PARP12: variants seen among roughly 807,000 people sequenced by gnomAD.
PARP12 encodes the protein protein mono-ADP-ribosyltransferase PARP12.
A neutral mutation model predicts 72.4 loss-of-function variants in PARP12; 59 were observed. The ratio of observed to expected loss-of-function variants is 0.81; its 90% confidence interval spans 0.66 to 1.01. The LOEUF (loss-of-function observed/expected upper bound fraction) is 1.01. Ranked by LOEUF, PARP12 falls within the 50% of genes least tolerant of loss-of-function variation. The pLI is 0.00. For synonymous variants in PARP12, 403 were observed against 371.4 expected (o/e 1.09, Z -0.98); for missense variants, 851 against 914.0 (o/e 0.93, Z 0.89).
Position 140,057,107 on chromosome 7 carries a change from G to A in PARP12, c.509C>T (p.Ala170Val), listed in dbSNP as rs770028109. Reference sequence around the variant, plus strand: ...GAGCTTGATGCACTGCTTTTGAAAGGCACAAGAGCCGTGGGGTCCATCTCC... The same window carrying A: ...GAGCTTGATGCACTGCTTTTGAAAGACACAAGAGCCGTGGGGTCCATCTCC... ...NKGDGPHGSC[A>V]FQKQCIKLHI... Residue 170 changes from alanine to valine, a missense_variant, in exon 3 of 12, where the codon GCC becomes GTC. By Grantham distance (64) the Ala-to-Val change is moderately conservative (BLOSUM62 0). Coordinates refer to ENST00000263549, the MANE Select transcript of PARP12 (RefSeq NM_022750.4). The A allele has an allele frequency of 6.2e-7, 1 of 1,614,094 alleles. No individual in the cohort carries two copies.
chr7:140,032,349 TAAAAA>T (rs1174800872), intron 8 of PARP12, among the ~76,000 whole-genome samples: 1 of 145,232 alleles, frequency 6.9e-6, no homozygotes, highest in African/African-American at 2.5e-5. Context: ...TTTTTTTAAT[TAAAAA>T]AAAAAAGAGA....
intron 7 of PARP12, among the ~76,000 whole-genome samples, chr7:140,035,010 A>C (rs1816094237): frequency 6.6e-6 from 1 of 152,206 alleles, no homozygotes; most frequent in Non-Finnish European, 1.5e-5. Flanking sequence ...CACCAGCTCA[A>C]GTAATCCTCC....
rs370881268 is a variant in PARP12, at chr7:140,041,754, G to A, written c.1072C>T (p.Arg358Cys). ...AMTYGATQAR[R>C]LSTASSVTKP... The stretch of plus-strand genomic sequence containing the variant: ...GTGACAGAGGAGGCCGTGGAGAGGC[G>A]GCGAGCCTGGGTAGCACCGTAAGTC... Residue 358 changes from arginine (R) to cysteine (C), a missense_variant, in exon 6 of 12, where the codon CGC becomes TGC. By Grantham distance (180) the Arg-to-Cys change is radical. This residue lies in a region of PARP12 where 492 missense variants were observed against 489.3 expected (regional missense o/e 1.01). Transcript: ENST00000263549. 7 of 1,613,948 alleles carry A rather than the reference G, an allele frequency of 4.3e-6. No homozygotes were observed. Among genetic ancestry groups the A allele is most frequent in the Admixed American group, 1.7e-5 (1 of 59,998 alleles).
chr7:140,047,293 A>G (rs1286764455), intron 4 of PARP12, among the ~76,000 whole-genome samples: 1 of 152,214 alleles, frequency 6.6e-6, no homozygotes, highest in Non-Finnish European at 1.5e-5. Flanking sequence ...TTAAGAGGTG[A>G]CTGGGTCATA....
At chr7:140,052,689 T>C (rs2116640921) in intron 4 of PARP12, among the ~76,000 whole-genome samples, 1 of 152,196 alleles carries the variant, frequency 6.6e-6, no homozygotes, top group East Asian at 1.9e-4. Flanking sequence ...ATGCATAATT[T>C]TTTCATAATA....
chr7:140,045,391 C>T (rs1392011616), intron 5 of PARP12, among the ~76,000 whole-genome samples: 1 of 152,132 alleles, frequency 6.6e-6, no homozygotes, highest in African/African-American at 2.4e-5. Flanking sequence ...TCATTTAATT[C>T]TCAAAATAAC....
At chr7:140,062,396 G>C in intron 1 of PARP12, 126 bp downstream of exon 1, 1 of 947,886 alleles carries the variant, frequency 1.1e-6, no homozygotes, top group South Asian at 1.7e-5. Context: ...GTGAATGACG[G>C]TGCGAGGTCA....
At chr7:140,037,281 G>A (rs538947271) in intron 7 of PARP12, among the ~76,000 whole-genome samples, 3 of 152,186 alleles carry the variant, frequency 2.0e-5, no homozygotes, top group Non-Finnish European at 4.4e-5. Flanking sequence ...CCAAGATCAC[G>A]CCATTGCACT....
Position 140,056,941 on chromosome 7 carries a change from G to C in PARP12, c.675C>G (p.Thr225=). ...TGATGTCATGTGCATTTCTATAAAT[G>C]GTAGGCAGCCTGCTCACCAGGTCTG... ...MSSDLVSRLP[T]IYRNAHDIKN... Residue 225 remains threonine (T), a synonymous_variant, in exon 3 of 12, where the codon ACC becomes ACG. Coordinates refer to ENST00000263549, the MANE Select transcript of PARP12 (RefSeq NM_022750.4). 1 of 1,614,102 alleles carries C rather than the reference G, an allele frequency of 6.2e-7. No homozygotes were observed. Among genetic ancestry groups the C allele is most frequent in the Non-Finnish European group, 8.5e-7 (1 of 1,180,026 alleles).
At position 140,037,850 on chromosome 7, in the gene PARP12, C is replaced by A. The variant is rs201209907; in HGVS notation, c.1189G>T (p.Val397Leu). 13 of 1,605,528 alleles carry A rather than the reference C, an allele frequency of 8.1e-6. No homozygotes were observed. The East Asian group carries it at 2.7e-4, about 33-fold the overall frequency. The change falls in exon 7 of 12, where the codon GTG becomes TTG. Residue 397 changes from valine to leucine, a missense_variant. Coordinates refer to ENST00000263549, the MANE Select transcript of PARP12 (RefSeq NM_022750.4). ...SWQEYGRQGT[V>L]HPVTTVSSSD... ...CTGCTGACAGTGGTCACAGGGTGCA[C>A]CGTGCCCTGCGATGGAAAGCCAGAC...
At chr7:140,039,649 C>A (rs1462947033) in intron 6 of PARP12, among the ~76,000 whole-genome samples, 1 of 152,168 alleles carries the variant, frequency 6.6e-6, no homozygotes, top group African/African-American at 2.4e-5. Flanking sequence ...ACAGAAAAAA[C>A]TTAGCTTTTC....
At chr7:140,039,570 CAT>C (rs1259992807) in intron 6 of PARP12, among the ~76,000 whole-genome samples, 1 of 152,210 alleles carries the variant, frequency 6.6e-6, no homozygotes, top group Admixed American at 6.5e-5. Flanking sequence ...CAGATTCCCA[CAT>C]GTCCTGTGGC....
At chr7:140,044,340 G>A (rs1165949291) in intron 5 of PARP12, among the ~76,000 whole-genome samples, 2 of 152,206 alleles carry the variant, frequency 1.3e-5, no homozygotes, top group African/African-American at 4.8e-5. Context: ...GGATTCGGGT[G>A]GGCCCTAATC....
Position 140,041,745 on chromosome 7 carries a change from T to G in PARP12, c.1081A>C (p.Thr361Pro), listed in dbSNP as rs1450770603. The G allele has an allele frequency of 6.2e-7, 1 of 1,613,944 alleles. No homozygotes were observed. The highest frequency in any genetic ancestry group is 1.3e-5 in the African/African-American group (1 of 74,878). ...GGAGGTTTGGTGACAGAGGAGGCCGTGGAGAGGCGGCGAGCCTGGGTAGCA... is the reference window on the plus strand; with the variant it reads ...GGAGGTTTGGTGACAGAGGAGGCCGGGGAGAGGCGGCGAGCCTGGGTAGCA... ...YGATQARRLSTASSVTKPPHF... is the reference protein window; with the variant it reads ...YGATQARRLSPASSVTKPPHF... Residue 361 changes from threonine (T) to proline (P), a missense_variant, in exon 6 of 12, where the codon ACG (threonine) becomes CCG (proline). By Grantham distance (38) the Thr-to-Pro change is conservative. Coordinates refer to ENST00000263549, the MANE Select transcript of PARP12 (RefSeq NM_022750.4).
chr7:140,052,694 A>G (rs930512736), intron 4 of PARP12, among the ~76,000 whole-genome samples: 6 of 151,572 alleles, frequency 4.0e-5, no homozygotes, highest in Admixed American at 3.9e-4. Flanking sequence ...TAATTTTTTC[A>G]TAATATGCAT....
At chr7:140,045,034 T>C (rs962280694) in intron 5 of PARP12, among the ~76,000 whole-genome samples, 3 of 151,916 alleles carry the variant, frequency 2.0e-5, no homozygotes, top group East Asian at 3.9e-4. Flanking sequence ...TTTTTCTTTT[T>C]TTTTTTTTTA....
In PARP12 at chr7:140,056,912, T is replaced by C. The variant is rs767428187; in HGVS notation, c.704A>G (p.Asn235Ser). The C allele has an allele frequency of 2.5e-6, 4 of 1,613,612 alleles. No homozygotes were observed. The highest frequency in any genetic ancestry group is 1.7e-6 in the Non-Finnish European group (2 of 1,180,002). The change falls in exon 3 of 12, where the codon AAT becomes AGT. Residue 235 changes from asparagine to serine, a missense_variant. Transcript: ENST00000263549. ...CACTCTGCTGGGGGCAGAGCTCTTA[T>C]TCTTGATGTCATGTGCATTTCTATA... Reference protein sequence around the residue: ...TIYRNAHDIKNKSSAPSRVPP... With the variant: ...TIYRNAHDIKSKSSAPSRVPP...
intron 8 of PARP12, 43 bp downstream of exon 8, chr7:140,034,192 A>C (rs375844643): frequency 6.3e-7 from 1 of 1,598,176 alleles, no homozygotes; most frequent in African/African-American, 1.3e-5. Flanking sequence ...AGCACACCCC[A>C]GCTGATTACA....
intron 7 of PARP12, 100 bp downstream of exon 7, chr7:140,037,615 C>T: frequency 6.5e-7 from 1 of 1,529,092 alleles, no homozygotes; most frequent in Non-Finnish European, 8.9e-7. Context: ...CTGTACCCAC[C>T]CAGGCCCTCA....
Sources: allele counts gnomAD v4.1 joint callset (sites outside exome capture counted in the v4.1 genomes callset), GRCh38; gene constraint gnomAD v4.1.1; regional missense constraint gnomAD v4.1.1; transcripts MANE v1.5; gene names NCBI Gene and HGNC (gene_info 2026-07-23, HGNC 2026-07-21).